Variants in RPS6KA6 observed in about 807,000 individuals in gnomAD.
RPS6KA6 encodes ribosomal protein S6 kinase alpha-6.
A neutral mutation model predicts 65.4 loss-of-function variants in RPS6KA6; 27 were observed. The observed-to-expected ratio is 0.41, with a 90% CI of 0.30 to 0.57. RPS6KA6 has a LOEUF of 0.57. Ranked by LOEUF, RPS6KA6 falls within the 20% of genes least tolerant of loss-of-function variation. The probability of loss-of-function intolerance (pLI) is 0.24; values close to 1 mark genes in which losing one functional copy is unlikely to be tolerated. For synonymous variants in RPS6KA6, 190 were observed against 184.2 expected (o/e 1.03, Z -0.26); for missense variants, 486 against 555.6 (o/e 0.87, Z 1.26).
intron 1 of RPS6KA6, among the ~76,000 whole-genome samples, chrX:84,176,468 G>T (rs990646052): frequency 8.9e-6 from 1 of 111,940 alleles, no homozygotes; most frequent in South Asian, 3.7e-4. Flanking sequence ...TACCTTTGGG[G>T]TATGAATTAA....
In RPS6KA6 at chrX:84,064,821, G is replaced by A. The variant is rs888372025; in HGVS notation, c.2112+150C>T. On this transcript the variant is annotated intron_variant, in intron 21 of 21. Coordinates refer to ENST00000262752, the MANE Select transcript of RPS6KA6 (RefSeq NM_014496.5). Reference sequence around the variant, plus strand: ...GAAAGGCAGTAGTAAAGTAAGCTAAGAAAAGTACATGGTTGTTAATTTAAA... The same window carrying A: ...GAAAGGCAGTAGTAAAGTAAGCTAAAAAAAGTACATGGTTGTTAATTTAAA... The A allele has an allele frequency of 3.6e-5, 15 of 417,605 alleles. No individual in the cohort carries two copies. The Admixed American group carries it at 6.3e-4, about 17-fold the overall frequency. 34.4% of individuals were successfully genotyped at this position (417,605 alleles called of 1,213,427 possible).
chrX:84,152,557 T>C (rs180935294), intron 3 of RPS6KA6, among the ~76,000 whole-genome samples: 69 of 111,316 alleles, frequency 6.2e-4, no homozygotes, highest in African/African-American at 1.9e-3. Flanking sequence ...CCTATCCTGG[T>C]ATAATAAAGT....
chrX:84,181,648 G>A (rs2035855177), intron 1 of RPS6KA6, among the ~76,000 whole-genome samples: 2 of 110,897 alleles, frequency 1.8e-5, no homozygotes, highest in African/African-American at 6.6e-5. Flanking sequence ...AAGCATCTGG[G>A]GAATAGATGC....
intron 12 of RPS6KA6, among the ~76,000 whole-genome samples, chrX:84,110,570 C>T (rs1012982931): frequency 5.3e-4 from 59 of 111,977 alleles, no homozygotes; most frequent in Non-Finnish European, 2.4e-4. Context: ...ATAGATTGAA[C>T]TGTAAAACCC....
chrX:84,073,439 G>C (rs1455940314), intron 20 of RPS6KA6, among the ~76,000 whole-genome samples: 1 of 111,601 alleles, frequency 9.0e-6, no homozygotes, highest in African/African-American at 3.3e-5. Flanking sequence ...AGAAAACATG[G>C]GGGAAATGCT....
At chrX:84,070,928 T>C (rs1433539119) in intron 20 of RPS6KA6, among the ~76,000 whole-genome samples, 4 of 111,204 alleles carry the variant, frequency 3.6e-5, no homozygotes, top group African/African-American at 9.8e-5. Flanking sequence ...AAAAAAAACA[T>C]AAAATATATA....
intron 3 of RPS6KA6, among the ~76,000 whole-genome samples, chrX:84,154,754 A>G (rs756655646): frequency 9.0e-6 from 1 of 110,872 alleles, no homozygotes; most frequent in South Asian, 3.8e-4. Context: ...CCTGTCTTAT[A>G]TATCTCCTGT....
intron 20 of RPS6KA6, among the ~76,000 whole-genome samples, chrX:84,089,363 G>A (rs1460932695): frequency 2.7e-5 from 3 of 111,969 alleles, no homozygotes; most frequent in Non-Finnish European, 5.6e-5. Context: ...AAGCCAGTGG[G>A]TCTTAACTTG....
At chrX:84,125,485 A>AC (rs2034764732) in intron 8 of RPS6KA6, among the ~76,000 whole-genome samples, 1 of 111,671 alleles carries the variant, frequency 9.0e-6, no homozygotes, top group Non-Finnish European at 1.9e-5. Flanking sequence ...TCAGTTTAAA[A>AC]TAAGAGGTAT....
chrX:84,095,412 C>T (rs1602400230), intron 20 of RPS6KA6, among the ~76,000 whole-genome samples: 1 of 111,387 alleles, frequency 9.0e-6, no homozygotes, highest in African/African-American at 3.3e-5. Context: ...AGTTTTCAAG[C>T]CTGGGTTGAC....
chrX:84,106,319 A>C (rs1232183578), intron 15 of RPS6KA6, 46 bp downstream of exon 15: 1 of 1,138,258 alleles, frequency 8.8e-7, no homozygotes, highest in Admixed American at 2.5e-5. Flanking sequence ...CATAATTTAA[A>C]TTACATGCAT....
At chrX:84,080,766 TAACA>T (rs2147356902) in intron 20 of RPS6KA6, among the ~76,000 whole-genome samples, 1 of 110,536 alleles carries the variant, frequency 9.0e-6, no homozygotes, top group East Asian at 2.9e-4. Context: ...ATGGAAATCA[TAACA>T]AACAGTCTCT....
Position 84,183,430 on chromosome X carries a change from C to G in RPS6KA6, c.81+4389G>C, listed in dbSNP as rs1240611331. Among the ~76,000 whole-genome samples the G allele has an allele frequency of 1.8e-5, 2 of 111,469 alleles. 1 individual carries two copies. The highest frequency in any genetic ancestry group is 3.8e-5 in the Non-Finnish European group (2 of 53,092). On this transcript the variant is annotated intron_variant, in intron 1 of 21. Transcript: ENST00000262752. ...AATTCCCCACCTTCCATATCTCCCC[C>G]ATTCCTCACTACCGTCAATTATTTT...
chrX:84,078,448 TAC>T (rs1440418053), intron 20 of RPS6KA6, among the ~76,000 whole-genome samples: 4 of 108,239 alleles, frequency 3.7e-5, no homozygotes, highest in Admixed American at 1.1e-4. Flanking sequence ...TAGGTATTTA[TAC>T]AAAAAAAAAA....
At chrX:84,122,131 A>C (rs2034681916) in intron 8 of RPS6KA6, among the ~76,000 whole-genome samples, 2 of 111,501 alleles carry the variant, frequency 1.8e-5, no homozygotes, top group Admixed American at 1.9e-4. Context: ...TTGCTGAAAG[A>C]GGCACTGAAG....
chrX:84,122,594 A>G (rs1335328183), intron 8 of RPS6KA6, among the ~76,000 whole-genome samples: 1 of 109,552 alleles, frequency 9.1e-6, no homozygotes, highest in Non-Finnish European at 1.9e-5. Flanking sequence ...TCGGTCTCCC[A>G]AAGTGCTGGG....
rs748062786 is a variant in RPS6KA6 at position 84,158,855 on chromosome X, C to G, written c.142-2664G>C. On this transcript the variant is annotated intron_variant, in intron 2 of 21. Transcript: ENST00000262752. ...GTAGAAGAAATATTTATTTACTGCACTTGTTTGGGTCCCACCCTCAGAGAT... is the reference window on the plus strand; with the variant it reads ...GTAGAAGAAATATTTATTTACTGCAGTTGTTTGGGTCCCACCCTCAGAGAT... Among the ~76,000 whole-genome samples the G allele has an allele frequency of 5.4e-5, 6 of 111,433 alleles. No individual in the cohort carries two copies. The South Asian group carries it at 2.3e-3, about 42-fold the overall frequency.
intron 1 of RPS6KA6, among the ~76,000 whole-genome samples, chrX:84,167,614 C>T (rs766469125): frequency 1.2e-4 from 13 of 111,759 alleles, no homozygotes; most frequent in Non-Finnish European, 1.7e-4. Context: ...GAATCCCAAA[C>T]ACATTGTAAA....
intron 20 of RPS6KA6, among the ~76,000 whole-genome samples, chrX:84,084,297 C>T (rs1452392868): frequency 1.8e-5 from 2 of 112,210 alleles, no homozygotes; most frequent in African/African-American, 6.5e-5. Context: ...TTTCTATGTC[C>T]TGAATGGTAT....
Sources: gnomAD v4.1 joint callset for allele counts (sites outside exome capture counted in the v4.1 genomes callset) on GRCh38, gnomAD v4.1.1 for gene constraint, MANE v1.5 for transcripts, NCBI Gene and HGNC (gene_info 2026-07-23, HGNC 2026-07-21) for gene names.